The following SAMMSON variants were observed in gnomAD, a reference collection of about 807,000 sequenced individuals.
The protein encoded by SAMMSON is survival associated mitochondrial melanoma specific oncogenic non-coding RNA, also known as long intergenic non-protein coding RNA 1212.
intron 4 of SAMMSON, among the ~76,000 whole-genome samples, chr3:70,178,057 A>G (rs1701021395): frequency 1.3e-5 from 2 of 152,178 alleles, no homozygotes; most frequent in African/African-American, 4.8e-5. Context: ...AAGATGAACC[A>G]GTTGGCCGTT....
chr3:70,100,523 G>C (rs1219453373), intron 4 of SAMMSON, among the ~76,000 whole-genome samples: 2 of 236 alleles, frequency 8.5e-3, no homozygotes, highest in African/African-American at 9.5e-3. Flanking sequence ...AGTGGGGGGG[G>C]GGGGGGGGGG....
intron 4 of SAMMSON, among the ~76,000 whole-genome samples, chr3:70,219,467 A>G (rs1701442699): frequency 6.6e-6 from 1 of 152,200 alleles, no homozygotes. Context: ...CTGATCCAGA[A>G]ATAATTTGTT....
chr3:70,133,013 A>G (rs2067488978), intron 4 of SAMMSON, among the ~76,000 whole-genome samples: 1 of 152,080 alleles, frequency 6.6e-6, no homozygotes, highest in African/African-American at 2.4e-5. Flanking sequence ...GCACTGTGAT[A>G]TTGTGATTAT....
At chr3:70,044,387 T>A (rs185951424) in intron 3 of SAMMSON, among the ~76,000 whole-genome samples, 1 of 152,132 alleles carries the variant, frequency 6.6e-6, no homozygotes, top group East Asian at 1.9e-4. Context: ...GTTTGAGAAA[T>A]AAGTCCCAAG....
intron 1 of SAMMSON, among the ~76,000 whole-genome samples, chr3:70,005,938 T>A (rs547789742): frequency 6.6e-6 from 1 of 152,288 alleles, no homozygotes; most frequent in African/African-American, 2.4e-5. Context: ...TATAGAAACT[T>A]GCTTCATAAT....
At position 70,057,132 on chromosome 3, in the gene SAMMSON, C is replaced by T. The variant is rs900268679; in HGVS notation, n.418-14344C>T. Among the ~76,000 whole-genome samples, 3 of 151,992 alleles carry T rather than the reference C, an allele frequency of 2.0e-5. No individual in the cohort carries two copies. The East Asian group carries it at 5.8e-4, about 29-fold the overall frequency. On this transcript the variant is annotated intron_variant and non_coding_transcript_variant, in intron 3 of 9. Transcript: ENST00000642114. ...TACTAAATTACATTCAGAGCACTTCCTTTCTATTACTTTGTCACCACATGA... is the reference window on the plus strand; with the variant it reads ...TACTAAATTACATTCAGAGCACTTCTTTTCTATTACTTTGTCACCACATGA...
chr3:70,318,854 A>G (rs1702515454), intron 7 of SAMMSON, among the ~76,000 whole-genome samples: 1 of 151,882 alleles, frequency 6.6e-6, no homozygotes, highest in Non-Finnish European at 1.5e-5. Flanking sequence ...GGTCATTTTC[A>G]GTCTTTTTGC....
intron 4 of SAMMSON, among the ~76,000 whole-genome samples, chr3:70,095,258 C>G (rs924447003): frequency 6.6e-6 from 1 of 152,152 alleles, no homozygotes; most frequent in African/African-American, 2.4e-5. Context: ...CTTTAGTTCC[C>G]TTAGGGAACA....
chr3:70,011,945 T>A (rs2066957845), intron 1 of SAMMSON, among the ~76,000 whole-genome samples: 1 of 151,824 alleles, frequency 6.6e-6, no homozygotes, highest in African/African-American at 2.4e-5. Flanking sequence ...CAGAGATGAG[T>A]GCATCTGACA....
intron 4 of SAMMSON, among the ~76,000 whole-genome samples, chr3:70,088,954 C>T (rs2067296197): frequency 1.3e-5 from 2 of 152,100 alleles, no homozygotes; most frequent in Admixed American, 6.5e-5. Context: ...TATTTTCACT[C>T]AGAAAATTTC....
chr3:70,185,556 C>T (rs1476377970), intron 4 of SAMMSON, among the ~76,000 whole-genome samples: 2 of 152,100 alleles, frequency 1.3e-5, no homozygotes, highest in Non-Finnish European at 2.9e-5. Context: ...CATGAATAAC[C>T]CTTGGGTTGT....
intron 6 of SAMMSON, among the ~76,000 whole-genome samples, chr3:70,276,723 C>A (rs556989593): frequency 1.3e-5 from 2 of 152,164 alleles, no homozygotes; most frequent in Non-Finnish European, 2.9e-5. Context: ...CAGCCATGCT[C>A]ATTAATTTAT....
At chr3:70,303,043 A>G (rs1485741848) in intron 7 of SAMMSON, among the ~76,000 whole-genome samples, 28 of 152,188 alleles carry the variant, frequency 1.8e-4, no homozygotes, top group Admixed American at 1.6e-3. Context: ...TGATTTTGAC[A>G]TTTGAACTTC....
chr3:70,372,111 T>C (rs1702975140), intron 9 of SAMMSON, among the ~76,000 whole-genome samples: 1 of 152,088 alleles, frequency 6.6e-6, no homozygotes, highest in African/African-American at 2.4e-5. Context: ...TTTTTCTTCA[T>C]TATATTGATT....
chr3:70,077,973 T>G (rs1011715761), intron 4 of SAMMSON, among the ~76,000 whole-genome samples: 2 of 152,210 alleles, frequency 1.3e-5, no homozygotes, highest in African/African-American at 4.8e-5. Flanking sequence ...GCAACCACTC[T>G]TGGCATTCCT....
chr3:70,189,944 T>C (rs1429203670), intron 4 of SAMMSON, among the ~76,000 whole-genome samples: 1 of 152,112 alleles, frequency 6.6e-6, no homozygotes, highest in Non-Finnish European at 1.5e-5. Flanking sequence ...TATATGAAAA[T>C]TTATATGGCC....
intron 4 of SAMMSON, among the ~76,000 whole-genome samples, chr3:70,091,372 A>G (rs1264589036): frequency 6.6e-6 from 1 of 152,214 alleles, no homozygotes; most frequent in Admixed American, 6.5e-5. Flanking sequence ...AAACAAGCTT[A>G]CAAGGGCTTC....
At chr3:70,335,259 C>T (rs574654388) in intron 7 of SAMMSON, among the ~76,000 whole-genome samples, 3 of 151,990 alleles carry the variant, frequency 2.0e-5, no homozygotes, top group East Asian at 1.9e-4. Flanking sequence ...TTTACTATTT[C>T]GTTTCCTTCA....
At chr3:70,018,666 G>T (rs1298535586) in intron 3 of SAMMSON, among the ~76,000 whole-genome samples, 2 of 151,960 alleles carry the variant, frequency 1.3e-5, no homozygotes, top group Admixed American at 6.6e-5. Flanking sequence ...TGTTTTAATT[G>T]TGATGTTAGG....
Sources: gnomAD v4.1 joint callset for allele counts (sites outside exome capture counted in the v4.1 genomes callset) on GRCh38, gnomAD v4.1.1 for gene constraint, MANE v1.5 for transcripts, NCBI Gene and HGNC (gene_info 2026-07-23, HGNC 2026-07-21) for gene names.